The following TLX3 variants were observed in gnomAD, a reference collection of about 807,000 sequenced individuals.
TLX3 encodes the protein T cell leukemia homeobox 3.
Under a neutral mutation model 19.6 loss-of-function variants are expected in TLX3, and 11 were observed. The ratio of observed to expected loss-of-function variants is 0.56; its 90% confidence interval spans 0.35 to 0.93. The LOEUF (loss-of-function observed/expected upper bound fraction) is 0.93, where lower values mean the gene tolerates loss of function less well. Among genes scored for constraint, TLX3 ranks in the 40% least tolerant of loss-of-function variants. The probability of loss-of-function intolerance (pLI) is 0.01; values close to 1 mark genes in which losing one functional copy is unlikely to be tolerated. For missense variants in TLX3, 375 were observed against 418.6 expected (o/e 0.90, Z 0.91); for synonymous variants, 221 against 188.1 (o/e 1.17, Z -1.43).
rs1769215264 is a variant in TLX3 at position 171,311,246 on chromosome 5, G to A, written c.666-143G>A. ...CTCCCTGGATATAAGAGCCTCGGGC[G>A]TAAAGCGCGGGCTGGGAGGCAGACG... On this transcript the variant is annotated intron_variant, in intron 2 of 2. Coordinates refer to ENST00000296921, the MANE Select transcript of TLX3 (RefSeq NM_021025.4). This position sits in a 1 kb window ranked among gnomAD's most constrained non-coding sequence, Gnocchi z 5.1. The A allele has an allele frequency of 3.0e-6, 2 of 659,654 alleles. No homozygotes were observed. The highest frequency in any genetic ancestry group is 3.0e-5 in the Admixed American group (1 of 33,598). 40.9% of individuals were successfully genotyped at this position (659,654 alleles called of 1,614,324 possible).
In TLX3 at chr5:171,311,809, G is replaced by A. The variant is rs1052502015; in HGVS notation, c.*210G>A. 42 of 380,290 alleles carry A rather than the reference G, an allele frequency of 1.1e-4. No homozygotes were observed. The highest frequency in any genetic ancestry group is 1.9e-4 in the Non-Finnish European group (42 of 216,658). 23.6% of individuals were successfully genotyped at this position (380,290 alleles called of 1,614,324 possible). A position where few individuals can be genotyped will look rare whatever the true frequency, so the allele number is the denominator to read the frequency against. ...GCCGCACAATCCGAGCCCCCGCCCCGCGCCCCGTCCCGCCCCAGGCCCGGG... is the reference window on the plus strand; with the variant it reads ...GCCGCACAATCCGAGCCCCCGCCCCACGCCCCGTCCCGCCCCAGGCCCGGG... On this transcript the variant is annotated 3_prime_UTR_variant, in exon 3 of 3. Coordinates refer to ENST00000296921, the MANE Select transcript of TLX3 (RefSeq NM_021025.4). This position sits in a 1 kb window ranked among gnomAD's most constrained non-coding sequence, Gnocchi z 5.1.
Position 171,309,338 on chromosome 5 carries a change from C to A in TLX3, c.-28C>A. ...GGGACCCAGCCGCCTCCCCGCCCAG[C>A]CCAGCCCAGCCCTTCCGCCCGCCCA... On this transcript the variant is annotated 5_prime_UTR_variant, in exon 1 of 3. Transcript: ENST00000296921. 3 of 1,322,338 alleles carry A rather than the reference C, an allele frequency of 2.3e-6. No individual in the cohort carries two copies. Among genetic ancestry groups the A allele is most frequent in the Non-Finnish European group, 3.1e-6 (3 of 957,820 alleles). 81.9% of individuals were successfully genotyped at this position (1,322,338 alleles called of 1,614,324 possible).
In TLX3 at chr5:171,311,369, C is replaced by T. The variant is rs1769218076; in HGVS notation, c.666-20C>T. The T allele has an allele frequency of 1.9e-6, 3 of 1,547,836 alleles. No homozygotes were observed. Among genetic ancestry groups the T allele is most frequent in the Non-Finnish European group, 2.6e-6 (3 of 1,146,330 alleles). ...TGCCGGGTGCATGACGGTACTGTCC[C>T]TCTCCCTCCCCCGGTGCAGGCGGCA... On this transcript the variant is annotated intron_variant, in intron 2 of 2. Transcript: ENST00000296921. The surrounding 1 kb of genome is among the most constrained non-coding windows in gnomAD (Gnocchi z 5.1).
Position 171,310,295 on chromosome 5 carries a change from G to T in TLX3, c.567G>T (p.Lys189Asn), listed in dbSNP as rs1162336997. The T allele has an allele frequency of 6.2e-7, 1 of 1,601,456 alleles. No individual in the cohort carries two copies. The highest frequency in any genetic ancestry group is 1.7e-5 in the Admixed American group (1 of 58,302). The part of the protein sequence containing the change: ...CELEKRFHRQ[K>N]YLASAERAAL... ...TGGAAAAGCGCTTCCATCGCCAGAAGTACCTGGCCTCTGCCGAGAGGGCGG... is the reference window on the plus strand; with the variant it reads ...TGGAAAAGCGCTTCCATCGCCAGAATTACCTGGCCTCTGCCGAGAGGGCGG... The change falls in exon 2 of 3, where the codon AAG becomes AAT. Residue 189 changes from lysine (K) to asparagine (N), a missense_variant. Coordinates refer to ENST00000296921, the MANE Select transcript of TLX3 (RefSeq NM_021025.4).
At position 171,309,509 on chromosome 5, in the gene TLX3, C is replaced by A. The variant is rs748049952; in HGVS notation, c.144C>A (p.Pro48=). 67 of 1,569,278 alleles carry A rather than the reference C, an allele frequency of 4.3e-5. No individual in the cohort carries two copies. Among genetic ancestry groups the A allele is most frequent in the Non-Finnish European group, 5.5e-5 (64 of 1,160,532 alleles). ...PDGASYLGGP[P]GGRPGATYPS... Reference sequence around the variant, plus strand: ...GCGCCAGCTACCTGGGAGGGCCCCCCGGGGGCCGTCCGGGCGCCACATACC... The same window carrying A: ...GCGCCAGCTACCTGGGAGGGCCCCCAGGGGGCCGTCCGGGCGCCACATACC... The change falls in exon 1 of 3, where the codon CCC becomes CCA. Residue 48 remains proline, a synonymous_variant. Coordinates refer to ENST00000296921, the MANE Select transcript of TLX3 (RefSeq NM_021025.4).
Position 171,309,786 on chromosome 5 carries a change from G to A in TLX3, c.421G>A (p.Ala141Thr). Residue 141 changes from alanine to threonine, a missense_variant and splice_region_variant, in exon 1 of 3, where the codon GCG becomes ACG. Ala to Thr is a moderately conservative substitution (Grantham distance 58). Coordinates refer to ENST00000296921, the MANE Select transcript of TLX3 (RefSeq NM_021025.4). ...SRRFVKDRFT[A>T]AAALTPFTVT... ...CCGCTTCGTGAAAGACCGCTTCACA[G>A]GTGAGCAGAGCTGGCGACCAGGCTC... is the stretch of plus-strand genomic sequence containing the variant. 1 of 1,594,206 alleles carries A rather than the reference G, an allele frequency of 6.3e-7. No homozygotes were observed. The highest frequency in any genetic ancestry group is 8.5e-7 in the Non-Finnish European group (1 of 1,169,980).
intron 1 of TLX3, 43 bp from the exon 2 acceptor site, chr5:171,310,107 C>T (rs1432771742): frequency 3.3e-6 from 5 of 1,533,136 alleles, no homozygotes; most frequent in Non-Finnish European, 4.4e-6. Flanking sequence ...TGAACGGTGG[C>T]GGAGCCGGGC....
chr5:171,310,784 T>C (rs555227991), intron 2 of TLX3, among the ~76,000 whole-genome samples: 1 of 119,258 alleles, frequency 8.4e-6, no homozygotes, highest in Non-Finnish European at 1.7e-5. Flanking sequence ...CGCACTCTCC[T>C]TCTCCTCCTT....
In TLX3 at chr5:171,309,540, C is replaced by G. The variant is rs763230194; in HGVS notation, c.175C>G (p.Leu59Val). 3.6e-5 allele frequency: 56 copies of G among 1,574,116 alleles called. No homozygotes were observed. The highest frequency in any genetic ancestry group is 3.8e-5 in the Non-Finnish European group (44 of 1,161,428). The change falls in exon 1 of 3, where the codon CTG becomes GTG. Residue 59 changes from leucine to valine, a missense_variant. Around this residue, in one of 3 missense-constraint regions of TLX3, gnomAD observed 239 missense variants for 217.0 expected, o/e 1.10. Transcript: ENST00000296921. ...CCGTCCGGGCGCCACATACCCGTCT[C>G]TGCCCGCCTCCTTTGCGGGCCTCGG... ...GGRPGATYPS[L>V]PASFAGLGAP...
At chr5:171,310,957 C>A (rs971007) in intron 2 of TLX3, among the ~76,000 whole-genome samples, 2,630 of 152,158 alleles carry the variant, frequency 0.017, 76 homozygotes, top group African/African-American at 0.06. Context: ...TCAAGACAGG[C>A]CCTGGGCGAA....
At position 171,309,503 on chromosome 5, in the gene TLX3, GC is replaced by G; in HGVS notation, c.144del (p.Gly50AlafsTer29). Reference protein sequence around the residue: ...GPDGASYLGGPPGGRPGATYP... With the variant: ...GPDGASYLGGXPGGRPGATYP... ...CCGACGGCGCCAGCTACCTGGGAGGGCCCCCCGGGGGCCGTCCGGGCGCCAC... is the reference window on the plus strand; with the variant it reads ...CCGACGGCGCCAGCTACCTGGGAGGGCCCCCGGGGGCCGTCCGGGCGCCAC... On this transcript the variant is annotated frameshift_variant, in exon 1 of 3. Coordinates refer to ENST00000296921, the MANE Select transcript of TLX3 (RefSeq NM_021025.4). LOFTEE classifies it high-confidence loss of function. The G allele has an allele frequency of 1.3e-6, 2 of 1,573,132 alleles. No individual in the cohort carries two copies. Among genetic ancestry groups the G allele is most frequent in the East Asian group, 2.4e-5 (1 of 42,360 alleles).
rs199546814 is a variant in TLX3 at position 171,310,285 on chromosome 5, A to G, written c.557A>G (p.His186Arg). 1 of 1,595,558 alleles carries G rather than the reference A, an allele frequency of 6.3e-7. No individual in the cohort carries two copies. The highest frequency in any genetic ancestry group is 1.3e-5 in the African/African-American group (1 of 74,446). Reference protein sequence around the residue: ...VQICELEKRFHRQKYLASAER... With the variant: ...VQICELEKRFRRQKYLASAER... ...ATCTGCGAGCTGGAAAAGCGCTTCC[A>G]TCGCCAGAAGTACCTGGCCTCTGCC... is the stretch of plus-strand genomic sequence containing the variant. The change falls in exon 2 of 3, where the codon CAT (histidine) becomes CGT (arginine). Residue 186 changes from histidine to arginine, a missense_variant. By Grantham distance (29) the His-to-Arg change is conservative. Around this residue, in one of 3 missense-constraint regions of TLX3, gnomAD observed 74 missense variants for 138.6 expected, o/e 0.53. Transcript: ENST00000296921.
chr5:171,310,507 GC>G (rs1302390933), intron 2 of TLX3, 114 bp downstream of exon 2: 1 of 1,246,628 alleles, frequency 8.0e-7, no homozygotes. Context: ...GCCCCCCTCT[GC>G]CTCCCCCAAA....
At chr5:171,309,892 G>A in intron 1 of TLX3, 106 bp downstream of exon 1, 1 of 1,400,662 alleles carries the variant, frequency 7.1e-7, no homozygotes, top group Non-Finnish European at 9.4e-7. Context: ...GCCCAAGCGC[G>A]GCGGAGGCCT....
intron 2 of TLX3, 146 bp downstream of exon 2, chr5:171,310,539 G>T: frequency 1.0e-6 from 1 of 964,204 alleles, no homozygotes. Context: ...CCCCGCCTTC[G>T]CAGATTGTAC....
At position 171,311,289 on chromosome 5, in the gene TLX3, C is replaced by A; in HGVS notation, c.666-100C>A. The stretch of plus-strand genomic sequence containing the variant: ...GGCAGACGGGTTCTGCGCCTCGAGG[C>A]TCCCGGATGGCCTCGGCTCCCGGGA... On this transcript the variant is annotated intron_variant, in intron 2 of 2. Coordinates refer to ENST00000296921, the MANE Select transcript of TLX3 (RefSeq NM_021025.4). The surrounding 1 kb of genome is among the most constrained non-coding windows in gnomAD (Gnocchi z 5.1). The A allele has an allele frequency of 9.4e-7, 1 of 1,062,340 alleles. No homozygotes were observed. Among genetic ancestry groups the A allele is most frequent in the Non-Finnish European group, 1.3e-6 (1 of 750,900 alleles). The allele number at this position is 1,062,340 out of a possible 1,614,324, so 65.8% of individuals were successfully genotyped here.
In TLX3 at chr5:171,310,224, C is replaced by G. The variant is rs780344236; in HGVS notation, c.496C>G (p.Arg166Gly). 6.4e-7 allele frequency: 1 copy of G among 1,557,178 alleles called. No homozygotes were observed. The highest frequency in any genetic ancestry group is 8.7e-7 in the Non-Finnish European group (1 of 1,150,444). ...CTACCAGAACCGGACGCCGCCCAAG[C>G]GTAAGAAGCCGCGCACGTCCTTTTC... The part of the protein sequence containing the change: ...HPYQNRTPPK[R>G]KKPRTSFSRV... Residue 166 changes from arginine (R) to glycine (G), a missense_variant, in exon 2 of 3, where the codon CGT (arginine) becomes GGT (glycine). Transcript: ENST00000296921.
Position 171,309,353 on chromosome 5 carries a change from C to G in TLX3, c.-13C>G. ...CCCCGCCCAGCCCAGCCCAGCCCTT[C>G]CGCCCGCCCAGGATGGAGGCGCCCG... is the stretch of plus-strand genomic sequence containing the variant. On this transcript the variant is annotated 5_prime_UTR_variant, in exon 1 of 3. Transcript: ENST00000296921. 3.3e-6 allele frequency: 3 copies of G among 921,770 alleles called. No homozygotes were observed. The highest frequency in any genetic ancestry group is 4.7e-6 in the Non-Finnish European group (3 of 639,228). 57.1% of individuals were successfully genotyped at this position (921,770 alleles called of 1,614,324 possible).
Position 171,311,539 on chromosome 5 carries a change from G to A in TLX3, c.816G>A (p.Gln272=). 2.5e-6 allele frequency: 4 copies of A among 1,613,376 alleles called. No homozygotes were observed. The highest frequency in any genetic ancestry group is 2.5e-6 in the Non-Finnish European group (3 of 1,179,738). ...ACAACTCGTCACTCTTTGCTCTGCA[G>A]AATCTGCAGCCCTGGGAGGAGGATA... ...CLHNSSLFAL[Q]NLQPWEEDSS... The change falls in exon 3 of 3, where the codon CAG becomes CAA. Residue 272 remains glutamine, a synonymous_variant. Transcript: ENST00000296921. The surrounding 1 kb of genome is among the most constrained non-coding windows in gnomAD (Gnocchi z 5.1).
Sources: allele counts gnomAD v4.1 joint callset (sites outside exome capture counted in the v4.1 genomes callset), GRCh38; gene constraint gnomAD v4.1.1; regional missense constraint gnomAD v4.1.1; non-coding constraint Gnocchi (gnomAD v3.1); transcripts MANE v1.5; gene names NCBI Gene and HGNC (gene_info 2026-07-23, HGNC 2026-07-21).